GRID2: variants seen among roughly 807,000 people sequenced by gnomAD.
GRID2 encodes the protein glutamate receptor ionotropic, delta-2.
A neutral mutation model predicts 114.8 loss-of-function variants in GRID2; 33 were observed. That is an observed-to-expected ratio of 0.29 (90% CI 0.22 to 0.38). The LOEUF (loss-of-function observed/expected upper bound fraction) is 0.38, where lower values mean the gene tolerates loss of function less well. GRID2 is among the 10% of genes least tolerant of loss of function. GRID2 has a pLI of 1.00. For missense variants in GRID2, 1,184 were observed against 1,257.7 expected (o/e 0.94, Z 0.89); for synonymous variants, 505 against 449.9 (o/e 1.12, Z -1.55).
At chr4:92,558,911 A>G (rs1726990912) in intron 1 of GRID2, among the ~76,000 whole-genome samples, 1 of 152,148 alleles carries the variant, frequency 6.6e-6, no homozygotes, top group African/African-American at 2.4e-5. Context: ...AGACGAGACA[A>G]TTACTGGTTT....
chr4:92,985,170 C>A (rs553160407), intron 2 of GRID2, among the ~76,000 whole-genome samples: 3 of 151,732 alleles, frequency 2.0e-5, no homozygotes, highest in Non-Finnish European at 4.4e-5. Context: ...GTGGTTTTTG[C>A]CAAATGATAT....
chr4:92,673,729 AC>A (rs1348322418), intron 2 of GRID2, among the ~76,000 whole-genome samples: 1 of 152,136 alleles, frequency 6.6e-6, no homozygotes, highest in African/African-American at 2.4e-5. Flanking sequence ...TGATAAGAAG[AC>A]AGTTGACTTT....
intron 1 of GRID2, among the ~76,000 whole-genome samples, chr4:92,559,040 C>T (rs1308153652): frequency 6.6e-6 from 1 of 152,138 alleles, no homozygotes; most frequent in Non-Finnish European, 1.5e-5. Context: ...ATGCACCTTA[C>T]TCTATGAAAA....
Position 92,360,062 on chromosome 4 carries a change from A to G in GRID2, c.88+55318A>G, listed in dbSNP as rs555622079. On this transcript the variant is annotated intron_variant, in intron 1 of 15. Coordinates refer to ENST00000282020, the MANE Select transcript of GRID2 (RefSeq NM_001510.4). ...CCTCTGGAGATAAGAAAGAAATTCT[A>G]TGAATACAGCAAGTATTTGAAGACA... is the stretch of plus-strand genomic sequence containing the variant. Among the ~76,000 whole-genome samples the G allele has an allele frequency of 6.6e-5, 10 of 152,162 alleles. No homozygotes were observed. The East Asian group carries it at 1.4e-3, about 21-fold the overall frequency.
intron 14 of GRID2, among the ~76,000 whole-genome samples, chr4:93,764,588 C>T (rs751295412): frequency 6.6e-6 from 1 of 152,152 alleles, no homozygotes; most frequent in Non-Finnish European, 1.5e-5. Flanking sequence ...ATTCACACCA[C>T]AATGACCCTC....
In GRID2 at chr4:92,372,138, C is replaced by T. The variant is rs1428561788; in HGVS notation, c.88+67394C>T. 3.3e-5 allele frequency among the ~76,000 whole-genome samples: 5 copies of T among 152,098 alleles called. No homozygotes were observed. The East Asian group carries it at 9.7e-4, about 29-fold the overall frequency. Reference sequence around the variant, plus strand: ...ATAGATAAGCAAAAAAATGTCGTTTCTTTGGATGAGATCTACTCCTGGTGA... The same window carrying T: ...ATAGATAAGCAAAAAAATGTCGTTTTTTTGGATGAGATCTACTCCTGGTGA... On this transcript the variant is annotated intron_variant, in intron 1 of 15. Transcript: ENST00000282020.
At chr4:92,326,080 A>C (rs1726582572) in intron 1 of GRID2, among the ~76,000 whole-genome samples, 1 of 151,882 alleles carries the variant, frequency 6.6e-6, no homozygotes, top group African/African-American at 2.4e-5. Context: ...TTAGGTAAGC[A>C]TTTAATTCTC....
intron 2 of GRID2, among the ~76,000 whole-genome samples, chr4:92,617,474 T>G (rs1396875112): frequency 6.6e-6 from 1 of 151,648 alleles, no homozygotes; most frequent in Non-Finnish European, 1.5e-5. Flanking sequence ...ACATGCAGTG[T>G]TTTACTTCTG....
At chr4:93,746,920 T>C (rs1731889941) in intron 14 of GRID2, among the ~76,000 whole-genome samples, 1 of 152,124 alleles carries the variant, frequency 6.6e-6, no homozygotes, top group South Asian at 2.1e-4. Flanking sequence ...TTGGCAAATG[T>C]CACAGATTTT....
intron 2 of GRID2, among the ~76,000 whole-genome samples, chr4:92,638,601 A>G (rs1731188645): frequency 6.7e-6 from 1 of 149,976 alleles, no homozygotes; most frequent in Non-Finnish European, 1.5e-5. Flanking sequence ...CGAGAGTACT[A>G]AGTGAAATAA....
At chr4:93,185,818 A>G (rs1740351063) in intron 4 of GRID2, among the ~76,000 whole-genome samples, 1 of 152,164 alleles carries the variant, frequency 6.6e-6, no homozygotes, top group African/African-American at 2.4e-5. Context: ...ACATATGTAT[A>G]CATGTGCCGT....
chr4:93,094,428 G>A (rs909257290), intron 3 of GRID2, among the ~76,000 whole-genome samples: 14 of 151,800 alleles, frequency 9.2e-5, no homozygotes, highest in African/African-American at 3.1e-4. Flanking sequence ...TCTTTATTTT[G>A]GTTAATTTTG....
intron 1 of GRID2, among the ~76,000 whole-genome samples, chr4:92,444,104 C>G (rs933341372): frequency 6.6e-6 from 1 of 152,134 alleles, no homozygotes; most frequent in Non-Finnish European, 1.5e-5. Context: ...GTCTGAGGAC[C>G]TGAGGTCATA....
intron 2 of GRID2, among the ~76,000 whole-genome samples, chr4:93,080,860 A>G (rs1253327387): frequency 5.9e-5 from 9 of 152,218 alleles, no homozygotes; most frequent in Admixed American, 1.3e-4. Context: ...GTCAAGATCA[A>G]TACACTGGCG....
chr4:92,611,454 G>A (rs371802846), intron 2 of GRID2, among the ~76,000 whole-genome samples: 16 of 151,398 alleles, frequency 1.1e-4, no homozygotes, highest in Admixed American at 2.0e-4. Flanking sequence ...TCCTTATGCC[G>A]TCATTTAACC....
intron 2 of GRID2, among the ~76,000 whole-genome samples, chr4:93,062,492 G>A (rs537293848): frequency 2.7e-4 from 41 of 152,172 alleles, no homozygotes; most frequent in Non-Finnish European, 3.4e-4. Flanking sequence ...ACCAAAGAGC[G>A]TCATTAGACA....
At chr4:93,389,907 G>GC (rs905899899) in intron 8 of GRID2, among the ~76,000 whole-genome samples, 1 of 151,808 alleles carries the variant, frequency 6.6e-6, no homozygotes, top group African/African-American at 2.4e-5. Flanking sequence ...TCCCGCCTCA[G>GC]CCCCCCAAGT....
chr4:93,400,353 C>T (rs1326515709), intron 9 of GRID2, among the ~76,000 whole-genome samples: 1 of 152,216 alleles, frequency 6.6e-6, no homozygotes, highest in South Asian at 2.1e-4. Context: ...AAAGCAGTCT[C>T]TACTACTTGG....
At chr4:92,749,419 A>G (rs940155385) in intron 2 of GRID2, among the ~76,000 whole-genome samples, 3 of 148,860 alleles carry the variant, frequency 2.0e-5, no homozygotes, top group South Asian at 2.1e-4. Context: ...GGCTCAAGCA[A>G]TTCTTCTGCC....
Sources: gnomAD v4.1 joint callset for allele counts (sites outside exome capture counted in the v4.1 genomes callset) on GRCh38, gnomAD v4.1.1 for gene constraint, MANE v1.5 for transcripts, NCBI Gene and HGNC (gene_info 2026-07-23, HGNC 2026-07-21) for gene names.